The following CLSTN2 variants were observed in gnomAD, a reference collection of about 807,000 sequenced individuals.
CLSTN2 encodes the protein calsyntenin-2.
CLSTN2 carries 48 observed loss-of-function variants against 101.2 expected under a neutral mutation model. The ratio of observed to expected loss-of-function variants is 0.47; its 90% CI spans 0.38 to 0.60. The LOEUF (loss-of-function observed/expected upper bound fraction) is 0.60, where lower values mean the gene tolerates loss of function less well. Among genes scored for constraint, CLSTN2 ranks in the 20% least tolerant of loss-of-function variants. CLSTN2 has a pLI of 0.00. For missense variants in CLSTN2, 1,160 were observed against 1,238.2 expected, an observed-to-expected ratio of 0.94 and a Z score of 0.95; for synonymous variants, 481 against 463.6, an observed-to-expected ratio of 1.04 and a Z score of -0.48.
chr3:140,018,196 GT>G (rs1471041399), intron 1 of CLSTN2, among the ~76,000 whole-genome samples: 1 of 152,200 alleles, frequency 6.6e-6, no homozygotes, highest in African/African-American at 2.4e-5. Context: ...CTGTGTTTCT[GT>G]GTCTGGAAGA....
In CLSTN2 at chr3:140,325,393, G is replaced by A. The variant is rs114714050; in HGVS notation, c.233-78236G>A. Among the ~76,000 whole-genome samples, 692 of 152,324 alleles carry A rather than the reference G, an allele frequency of 4.5e-3. 5 individuals are homozygous for A. Among genetic ancestry groups the A allele is most frequent in the African/African-American group, 0.015 (624 of 41,554 alleles). ...CAGAGGGCCAGTATGATGTGAAGGT[G>A]AATGATACAGTTCACCTCACCATGG... On this transcript the variant is annotated intron_variant, in intron 2 of 16. Coordinates refer to ENST00000458420, the MANE Select transcript of CLSTN2 (RefSeq NM_022131.3).
chr3:139,943,240 T>C (rs1935163495), intron 1 of CLSTN2, among the ~76,000 whole-genome samples: 2 of 152,204 alleles, frequency 1.3e-5, no homozygotes, highest in African/African-American at 4.8e-5. Context: ...TCATGTCTGG[T>C]TGATCCTATC....
At chr3:140,464,009 C>A (rs1933626277) in intron 7 of CLSTN2, among the ~76,000 whole-genome samples, 1 of 152,136 alleles carries the variant, frequency 6.6e-6, no homozygotes, top group African/African-American at 2.4e-5. Context: ...GTGTCACTTA[C>A]CATATCAATT....
chr3:140,102,468 G>A (rs16849850), intron 1 of CLSTN2, among the ~76,000 whole-genome samples: 13,460 of 152,062 alleles, frequency 0.089, 673 homozygotes, highest in East Asian at 0.18. Context: ...AGCAGGGCAG[G>A]GCGGTAGATC....
intron 1 of CLSTN2, among the ~76,000 whole-genome samples, chr3:139,999,932 G>T (rs1187704736): frequency 6.8e-6 from 1 of 146,388 alleles, no homozygotes; most frequent in East Asian, 2.1e-4. Flanking sequence ...TCTAACCTGG[G>T]CAATGGCGTG....
intron 2 of CLSTN2, among the ~76,000 whole-genome samples, chr3:140,308,086 G>A (rs1172200438): frequency 2.0e-5 from 3 of 152,118 alleles, no homozygotes; most frequent in Admixed American, 6.5e-5. Flanking sequence ...TTTGCTGAAC[G>A]TTGAACCTTA....
At position 139,947,792 on chromosome 3, in the gene CLSTN2, T is replaced by C. The variant is rs1935236488; in HGVS notation, c.109+12309T>C. Among the ~76,000 whole-genome samples the C allele has an allele frequency of 3.3e-5, 5 of 152,204 alleles. No homozygotes were observed. In the South Asian group the frequency reaches 1.0e-3, roughly 32 times the overall value. On this transcript the variant is annotated intron_variant, in intron 1 of 16. Transcript: ENST00000458420. ...TAGAATTATATTTAAGACTTTTTAG[T>C]AATTTACTGTGATTTTAATTAGAAG...
At chr3:140,281,657 C>T (rs1275440228) in intron 2 of CLSTN2, among the ~76,000 whole-genome samples, 1 of 152,060 alleles carries the variant, frequency 6.6e-6, no homozygotes. Flanking sequence ...GTTCTTCAAC[C>T]CACAGCTGAT....
chr3:139,997,405 T>C (rs2006694917), intron 1 of CLSTN2, among the ~76,000 whole-genome samples: 1 of 152,210 alleles, frequency 6.6e-6, no homozygotes, highest in Admixed American at 6.5e-5. Context: ...AAGATGCAAT[T>C]GCAATTCAAT....
intron 2 of CLSTN2, among the ~76,000 whole-genome samples, chr3:140,314,568 A>T (rs764414362): frequency 6.6e-5 from 10 of 151,892 alleles, no homozygotes; most frequent in Non-Finnish European, 1.3e-4. Flanking sequence ...CTGAAGTATC[A>T]GCCAGTGCTT....
chr3:140,326,103 G>A (rs1016290993), intron 2 of CLSTN2, among the ~76,000 whole-genome samples: 2 of 152,154 alleles, frequency 1.3e-5, no homozygotes, highest in Admixed American at 6.5e-5. Context: ...TAAGTACTGG[G>A]TGTGTCAGAA....
At chr3:140,315,752 T>C (rs1350797486) in intron 2 of CLSTN2, among the ~76,000 whole-genome samples, 1 of 152,216 alleles carries the variant, frequency 6.6e-6, no homozygotes, top group African/African-American at 2.4e-5. Flanking sequence ...CTTTTCTGTC[T>C]GAGCAAAAGT....
At chr3:140,300,811 TATATGCATACATA>T (rs2107909572) in intron 2 of CLSTN2, among the ~76,000 whole-genome samples, 1 of 152,136 alleles carries the variant, frequency 6.6e-6, no homozygotes, top group Non-Finnish European at 1.5e-5. Flanking sequence ...GCGATATATA[TATATGCATACATA>T]AAGAGATTTA....
intron 2 of CLSTN2, among the ~76,000 whole-genome samples, chr3:140,296,218 C>T (rs913434736): frequency 6.6e-6 from 1 of 152,184 alleles, no homozygotes; most frequent in Non-Finnish European, 1.5e-5. Flanking sequence ...TGGATGTCCT[C>T]ACATATTTAT....
intron 1 of CLSTN2, among the ~76,000 whole-genome samples, chr3:140,048,312 A>G: frequency 6.6e-6 from 1 of 152,242 alleles, no homozygotes; most frequent in East Asian, 1.9e-4. Context: ...AGCCTAGGTC[A>G]TAGTTGAATG....
At chr3:140,463,164 C>G (rs537708974) in intron 7 of CLSTN2, among the ~76,000 whole-genome samples, 58 of 152,342 alleles carry the variant, frequency 3.8e-4, no homozygotes, top group Non-Finnish European at 8.1e-4. Context: ...TCCTCCTCAG[C>G]CCCTGCCTTG....
chr3:140,060,198 G>T (rs1007056082), intron 1 of CLSTN2, among the ~76,000 whole-genome samples: 2 of 152,196 alleles, frequency 1.3e-5, no homozygotes, highest in Non-Finnish European at 2.9e-5. Context: ...TTATAGCCTG[G>T]CACTGAGAGA....
chr3:140,523,205 G>C (rs1015362593), intron 8 of CLSTN2, among the ~76,000 whole-genome samples: 2 of 152,072 alleles, frequency 1.3e-5, no homozygotes, highest in African/African-American at 4.8e-5. Flanking sequence ...CTTACTCCCT[G>C]CATCCCTCGG....
chr3:139,938,559 C>T (rs1445734817), intron 1 of CLSTN2, among the ~76,000 whole-genome samples: 1 of 152,212 alleles, frequency 6.6e-6, no homozygotes, highest in Non-Finnish European at 1.5e-5. Context: ...AAGATAAATA[C>T]TTCTTGGATT....
Sources: gnomAD v4.1 joint callset for allele counts (sites outside exome capture counted in the v4.1 genomes callset) on GRCh38, gnomAD v4.1.1 for gene constraint, MANE v1.5 for transcripts, NCBI Gene and HGNC (gene_info 2026-07-23, HGNC 2026-07-21) for gene names.